Variants in CDH2 observed in about 807,000 individuals in gnomAD.
CDH2 encodes cadherin 2.
In CDH2, 17 loss-of-function variants were observed where a neutral mutation model predicts 92.0. The observed-to-expected ratio is 0.18, with a 90% CI of 0.13 to 0.28. The LOEUF (loss-of-function observed/expected upper bound fraction) is 0.28, where lower values mean the gene tolerates loss of function less well. Among genes scored for constraint, CDH2 ranks in the 10% least tolerant of loss-of-function variants. The probability of loss-of-function intolerance (pLI) is 1.00; values close to 1 mark genes in which losing one functional copy is unlikely to be tolerated. For synonymous variants in CDH2, 419 were observed against 415.9 expected (o/e 1.01, Z -0.09); for missense variants, 862 against 1,133.1 (o/e 0.76, Z 3.44).
intron 2 of CDH2, among the ~76,000 whole-genome samples, chr18:28,061,420 A>T (rs1380259616): frequency 6.6e-6 from 1 of 152,132 alleles, no homozygotes; most frequent in Non-Finnish European, 1.5e-5. Context: ...AGACAGATAG[A>T]CAACTTGAGG....
intron 2 of CDH2, among the ~76,000 whole-genome samples, chr18:28,134,422 T>C (rs572298585): frequency 6.6e-6 from 1 of 151,840 alleles, no homozygotes; most frequent in South Asian, 2.1e-4. Flanking sequence ...AAAAAAAATG[T>C]TGAGCAGCTA....
intron 14 of CDH2, among the ~76,000 whole-genome samples, chr18:27,975,987 T>C (rs993662883): frequency 1.3e-5 from 2 of 152,190 alleles, no homozygotes; most frequent in African/African-American, 2.4e-5. Flanking sequence ...TTCTACCGGC[T>C]GAGTCTGGGG....
intron 2 of CDH2, among the ~76,000 whole-genome samples, chr18:28,053,186 TTG>T (rs1185455024): frequency 2.0e-5 from 3 of 151,882 alleles, no homozygotes; most frequent in Non-Finnish European, 4.4e-5. Flanking sequence ...GCCTGTGGTA[TTG>T]TGTTATGTCA....
At chr18:27,997,098 A>G (rs1242679740) in intron 7 of CDH2, among the ~76,000 whole-genome samples, 3 of 152,234 alleles carry the variant, frequency 2.0e-5, no homozygotes, top group Non-Finnish European at 2.9e-5. Context: ...AATAAACATG[A>G]TGAAATTCTT....
chr18:27,937,500 CATT>C (rs1909046549), intron 6 of CDH2, among the ~76,000 whole-genome samples: 1 of 152,162 alleles, frequency 6.6e-6, no homozygotes, highest in African/African-American at 2.4e-5. Flanking sequence ...ATTGTTATGA[CATT>C]AGGCTAATTT....
At chr18:28,017,398 G>A (rs1402528706) in intron 2 of CDH2, among the ~76,000 whole-genome samples, 1 of 152,078 alleles carries the variant, frequency 6.6e-6, no homozygotes, top group Non-Finnish European at 1.5e-5. Context: ...GTTTAAGCAT[G>A]TAAAGGTGTT....
chr18:28,085,199 A>T (rs2144198868), intron 2 of CDH2, among the ~76,000 whole-genome samples: 1 of 152,024 alleles, frequency 6.6e-6, no homozygotes, highest in African/African-American at 2.4e-5. Context: ...CACAGCCATA[A>T]ACTTAAAAAA....
intron 2 of CDH2, among the ~76,000 whole-genome samples, chr18:28,042,876 C>A (rs72882676): frequency 6.6e-6 from 1 of 152,158 alleles, no homozygotes; most frequent in South Asian, 2.1e-4. Context: ...AATAACAAAG[C>A]TCCTTCCTAC....
intron 2 of CDH2, among the ~76,000 whole-genome samples, chr18:28,073,711 A>T (rs2014663674): frequency 6.6e-6 from 1 of 152,178 alleles, no homozygotes; most frequent in African/African-American, 2.4e-5. Flanking sequence ...GAACTGACAA[A>T]GTAATCAAGC....
At chr18:28,057,357 C>T (rs929429383) in intron 2 of CDH2, among the ~76,000 whole-genome samples, 4 of 152,156 alleles carry the variant, frequency 2.6e-5, no homozygotes, top group African/African-American at 9.7e-5. Context: ...GCTAAAAGTA[C>T]TGAAATTGCT....
At chr18:28,128,946 G>A (rs750643519) in intron 2 of CDH2, among the ~76,000 whole-genome samples, 4 of 152,062 alleles carry the variant, frequency 2.6e-5, no homozygotes, top group African/African-American at 2.4e-5. Flanking sequence ...TTGCTCTTTT[G>A]CTTACATTTG....
At chr18:28,085,810 A>G (rs2014916622) in intron 2 of CDH2, among the ~76,000 whole-genome samples, 1 of 152,110 alleles carries the variant, frequency 6.6e-6, no homozygotes, top group Non-Finnish European at 1.5e-5. Flanking sequence ...GGGACTTAGT[A>G]AGTACTTAAT....
At chr18:28,068,010 G>A (rs545841418) in intron 2 of CDH2, among the ~76,000 whole-genome samples, 2 of 152,150 alleles carry the variant, frequency 1.3e-5, no homozygotes, top group African/African-American at 4.8e-5. Context: ...TCCAAATGTA[G>A]TACAGTGACA....
At chr18:28,156,137 T>C (rs2144343658) in intron 1 of CDH2, among the ~76,000 whole-genome samples, 1 of 152,328 alleles carries the variant, frequency 6.6e-6, no homozygotes, top group African/African-American at 2.4e-5. Context: ...TCTGACAGCC[T>C]AGTAATTTTC....
chr18:27,999,643 C>T (rs80349485), intron 7 of CDH2, among the ~76,000 whole-genome samples: 1,549 of 150,926 alleles, frequency 0.01, 39 homozygotes, highest in African/African-American at 0.035. Flanking sequence ...CCTTTTAAAA[C>T]GCTTTTAAAT....
chr18:28,120,478 A>C (rs2144270659), intron 2 of CDH2, among the ~76,000 whole-genome samples: 1 of 152,250 alleles, frequency 6.6e-6, no homozygotes, highest in South Asian at 2.1e-4. Context: ...TACATCACTT[A>C]GTTTTCTCCA....
At chr18:27,981,545 G>A (rs573286019) in intron 14 of CDH2, among the ~76,000 whole-genome samples, 2 of 152,268 alleles carry the variant, frequency 1.3e-5, no homozygotes, top group Admixed American at 1.3e-4. Flanking sequence ...AGAACATGAG[G>A]CCTTGAGTCC....
chr18:28,037,661 A>T lies in CDH2; in HGVS notation c.173-23752T>A, dbSNP rs8087457. Among the ~76,000 whole-genome samples the T allele has an allele frequency of 1.8e-4, 28 of 152,068 alleles. No individual in the cohort carries two copies. In the East Asian group the frequency reaches 4.9e-3, roughly 26 times the overall value. Reference sequence around the variant, plus strand: ...GCAAAGCTAACCACTGCTTAAAATAAGGAATTCATACAAGAAAAAAAATCT... The same window carrying T: ...GCAAAGCTAACCACTGCTTAAAATATGGAATTCATACAAGAAAAAAAATCT... On this transcript the variant is annotated intron_variant, in intron 2 of 15. Transcript: ENST00000269141.
At position 28,056,393 on chromosome 18, in the gene CDH2, G is replaced by C. The variant is rs1052343381; in HGVS notation, c.173-42484C>G. ...TTGCTCTTAACAGGAAATGGTAAAA[G>C]GCTTTTATCTTTTAGGTAATTGGCC... On this transcript the variant is annotated intron_variant, in intron 2 of 15. Coordinates refer to ENST00000269141, the MANE Select transcript of CDH2 (RefSeq NM_001792.5). Among the ~76,000 whole-genome samples the C allele has an allele frequency of 2.1e-4, 32 of 152,100 alleles. 1 individual carries two copies. Among genetic ancestry groups the C allele is most frequent in the African/African-American group, 7.7e-4 (32 of 41,420 alleles).
Sources: gnomAD v4.1 joint callset for allele counts (sites outside exome capture counted in the v4.1 genomes callset) on GRCh38, gnomAD v4.1.1 for gene constraint, MANE v1.5 for transcripts, NCBI Gene and HGNC (gene_info 2026-07-23, HGNC 2026-07-21) for gene names.